NCKAP5: variants seen among roughly 807,000 people sequenced by gnomAD.
NCKAP5 encodes nck-associated protein 5.
In NCKAP5, 92 loss-of-function variants were observed where a neutral mutation model predicts 167.0. That is an observed-to-expected ratio of 0.55 (90% confidence interval 0.47 to 0.66). The LOEUF (loss-of-function observed/expected upper bound fraction) is 0.66, where lower values mean the gene tolerates loss of function less well. Ranked by LOEUF, NCKAP5 falls within the 30% of genes least tolerant of loss-of-function variation. The pLI is 0.00. For synonymous variants in NCKAP5, 891 were observed against 877.4 expected, an observed-to-expected ratio of 1.02 and a Z score of -0.27; for missense variants, 2,378 against 2,315.0, an observed-to-expected ratio of 1.03 and a Z score of -0.56.
intron 12 of NCKAP5, among the ~76,000 whole-genome samples, chr2:132,795,925 G>T (rs931041860): frequency 1.4e-5 from 2 of 144,324 alleles, no homozygotes; most frequent in East Asian, 2.1e-4. Flanking sequence ...AAAAACTCCT[G>T]ACTTTACGGC....
intron 6 of NCKAP5, among the ~76,000 whole-genome samples, chr2:133,041,030 C>G (rs751808319): frequency 1.3e-5 from 2 of 152,116 alleles, no homozygotes; most frequent in African/African-American, 4.8e-5. Flanking sequence ...TTAGCTTATG[C>G]AGAAGCAACA....
At chr2:133,048,264 C>T (rs879222068) in intron 6 of NCKAP5, among the ~76,000 whole-genome samples, 1 of 152,158 alleles carries the variant, frequency 6.6e-6, no homozygotes, top group Admixed American at 6.5e-5. Flanking sequence ...ATGTTCTAGC[C>T]TCTCTAAATT....
the NCKAP5 span, among the ~76,000 whole-genome samples, chr2:133,655,260 C>A: frequency 2.6e-5 from 4 of 152,074 alleles, no homozygotes; most frequent in Admixed American, 1.3e-4. Flanking sequence ...CCAAGTAAGG[C>A]CAGGGTAGAC....
rs554693511 is a variant in NCKAP5 at position 133,399,085 on chromosome 2, G to A, written c.70-95975C>T. 2.9e-3 allele frequency among the ~76,000 whole-genome samples: 434 copies of A among 152,266 alleles called. 3 individuals carry two copies. The highest frequency in any genetic ancestry group is 9.5e-3 in the African/African-American group (395 of 41,532). ...ATCACAGAGACCGAGGCCGCTGCTCGGCAGATGCATTTCCTTTTAGAGCAC... is the reference window on the plus strand; with the variant it reads ...ATCACAGAGACCGAGGCCGCTGCTCAGCAGATGCATTTCCTTTTAGAGCAC... On this transcript the variant is annotated intron_variant, in intron 3 of 19. Transcript: ENST00000409261.
chr2:133,408,683 G>C (rs1038607511), intron 3 of NCKAP5, among the ~76,000 whole-genome samples: 1 of 152,216 alleles, frequency 6.6e-6, no homozygotes, highest in African/African-American at 2.4e-5. Flanking sequence ...CCACCTCCCA[G>C]CTATGCTGAC....
intron 19 of NCKAP5, among the ~76,000 whole-genome samples, chr2:132,682,440 C>G (rs1301675985): frequency 6.6e-6 from 1 of 152,102 alleles, no homozygotes; most frequent in Non-Finnish European, 1.5e-5. Flanking sequence ...TACCAAGTAC[C>G]TACAATGTAC....
intron 3 of NCKAP5, among the ~76,000 whole-genome samples, chr2:133,505,013 G>A (rs1682876304): frequency 6.6e-6 from 1 of 152,160 alleles, no homozygotes; most frequent in African/African-American, 2.4e-5. Flanking sequence ...CATCCAGCCT[G>A]ATTCTATCAG....
chr2:133,540,084 G>T (rs372896056), intron 2 of NCKAP5, among the ~76,000 whole-genome samples: 1 of 152,142 alleles, frequency 6.6e-6, no homozygotes, highest in East Asian at 1.9e-4. Flanking sequence ...AGGAGGCTGC[G>T]GTAGGGGAAT....
chr2:133,525,594 T>G (rs1684806027), intron 2 of NCKAP5, among the ~76,000 whole-genome samples: 1 of 152,224 alleles, frequency 6.6e-6, no homozygotes, highest in Non-Finnish European at 1.5e-5. Context: ...ACTTCCAATA[T>G]TCAGTAATTT....
chr2:133,517,902 A>T (rs940862187), intron 2 of NCKAP5, among the ~76,000 whole-genome samples: 2 of 152,208 alleles, frequency 1.3e-5, no homozygotes, highest in Admixed American at 1.3e-4. Context: ...TCCTCTCTCT[A>T]TCAGCCAGAA....
At chr2:132,996,285 C>G (rs989005268) in intron 6 of NCKAP5, among the ~76,000 whole-genome samples, 18 of 152,194 alleles carry the variant, frequency 1.2e-4, no homozygotes, top group African/African-American at 4.1e-4. Flanking sequence ...TTTACACATA[C>G]CTCTTTATAC....
intron 4 of NCKAP5, among the ~76,000 whole-genome samples, chr2:133,242,119 CAA>C (rs1176776551): frequency 1.2e-3 from 58 of 48,274 alleles, no homozygotes; most frequent in African/African-American, 3.8e-3. Context: ...AACTCTGTCT[CAA>C]AAAAAAAAAA....
At chr2:133,491,377 T>G (rs1461358671) in intron 3 of NCKAP5, among the ~76,000 whole-genome samples, 2 of 152,130 alleles carry the variant, frequency 1.3e-5, no homozygotes, top group Non-Finnish European at 2.9e-5. Flanking sequence ...GAAGGCTGTC[T>G]GGGAGGGTGG....
the NCKAP5 span, among the ~76,000 whole-genome samples, chr2:133,632,039 T>C: frequency 3.0e-4 from 45 of 152,214 alleles, no homozygotes; most frequent in African/African-American, 1.0e-3. Flanking sequence ...CAGCTGTGCA[T>C]TGGGAAATTT....
chr2:133,102,756 C>CAT (rs2149685189), intron 6 of NCKAP5, among the ~76,000 whole-genome samples: 1 of 144,726 alleles, frequency 6.9e-6, no homozygotes, highest in African/African-American at 2.7e-5. Context: ...CACACACACA[C>CAT]ACACACACAC....
At chr2:133,373,719 C>G (rs1038377939) in intron 3 of NCKAP5, among the ~76,000 whole-genome samples, 1 of 152,246 alleles carries the variant, frequency 6.6e-6, no homozygotes, top group South Asian at 2.1e-4. Flanking sequence ...ATAGACAAAT[C>G]GATTAATGGG....
intron 19 of NCKAP5, among the ~76,000 whole-genome samples, chr2:132,693,995 C>T (rs1165608822): frequency 6.6e-6 from 1 of 152,044 alleles, no homozygotes; most frequent in Non-Finnish European, 1.5e-5. Context: ...CTCTGGATTA[C>T]TTATCACCAT....
At chr2:133,236,095 A>G (rs2087405005) in intron 4 of NCKAP5, among the ~76,000 whole-genome samples, 3 of 150,590 alleles carry the variant, frequency 2.0e-5, no homozygotes, top group Non-Finnish European at 4.4e-5. Context: ...AAAAAAAAAA[A>G]AAAAGCTGTG....
intron 6 of NCKAP5, among the ~76,000 whole-genome samples, chr2:133,057,418 A>G (rs1187710945): frequency 6.6e-6 from 1 of 152,226 alleles, no homozygotes; most frequent in African/African-American, 2.4e-5. Flanking sequence ...TTGTGAATGC[A>G]AAGGAAAAAC....
Sources: gnomAD v4.1 joint callset for allele counts (sites outside exome capture counted in the v4.1 genomes callset) on GRCh38, gnomAD v4.1.1 for gene constraint, MANE v1.5 for transcripts, NCBI Gene and HGNC (gene_info 2026-07-23, HGNC 2026-07-21) for gene names.